The following DPP8 variants were observed in gnomAD, a reference collection of about 807,000 sequenced individuals.
DPP8 encodes the protein DPP VIII.
In DPP8, 31 loss-of-function variants were observed where a neutral mutation model predicts 107.5. The ratio of observed to expected loss-of-function variants is 0.29; its 90% CI spans 0.22 to 0.39. The LOEUF is 0.39. DPP8 is among the 10% of genes least tolerant of loss of function. The pLI is 1.00. For missense variants in DPP8, 842 were observed against 1,076.1 expected (o/e 0.78, Z 3.04); for synonymous variants, 381 against 356.6 (o/e 1.07, Z -0.77).
chr15:65,467,113 C>A lies in DPP8; in HGVS notation c.1647G>T (p.Arg549Ser), dbSNP rs764054639. The A allele has an allele frequency of 6.2e-7, 1 of 1,614,154 alleles. No individual in the cohort carries two copies. The highest frequency in any genetic ancestry group is 8.5e-7 in the Non-Finnish European group (1 of 1,180,022). Residue 549 changes from arginine to serine, a missense_variant, in exon 13 of 20, where the codon AGG (arginine) becomes AGT (serine). Arg to Ser is a moderately radical substitution (Grantham distance 110). Transcript: ENST00000300141. ...AATGTGAGTAGCCACGGTCAGTCAGCCTTGTCACCTCTCCAGGATTTACGT... is the reference window on the plus strand; with the variant it reads ...AATGTGAGTAGCCACGGTCAGTCAGACTTGTCACCTCTCCAGGATTTACGT... The part of the protein sequence containing the change: ...VSYVNPGEVT[R>S]LTDRGYSHSC...
intron 7 of DPP8, 114 bp downstream of exon 7, chr15:65,487,576 G>A (rs984583269): frequency 1.4e-5 from 14 of 980,704 alleles, no homozygotes; most frequent in East Asian, 8.2e-5. Flanking sequence ...ACAACCCGTC[G>A]TAAATAAGGC....
chr15:65,458,643 T>C (rs1279764971), intron 15 of DPP8: 1 of 152,168 alleles, frequency 6.6e-6, no homozygotes, highest in East Asian at 1.9e-4. Flanking sequence ...GTGGGAAATA[T>C]CTGCTGCTTT....
Position 65,446,862 on chromosome 15 carries a change from G to A in DPP8, c.*22C>T. ...TTGGTTAAATAGCCAGTGTATACCA[G>A]AGAGTTCTACACAGGTCAAAATTAT... On this transcript the variant is annotated 3_prime_UTR_variant, in exon 20 of 20. Transcript: ENST00000300141. 1.3e-6 allele frequency: 2 copies of A among 1,594,450 alleles called. No homozygotes were observed. Among genetic ancestry groups the A allele is most frequent in the Non-Finnish European group, 8.5e-7 (1 of 1,172,408 alleles).
At position 65,502,403 on chromosome 15, in the gene DPP8, C is replaced by T. The variant is rs548894588; in HGVS notation, c.373-1624G>A. On this transcript the variant is annotated intron_variant, in intron 3 of 19. Transcript: ENST00000300141. ...CTCTCAAAGAAAGTTTGTGGCTGGG[C>T]GTGGTGGCTCATGCCTGTAATCCCA... Among the ~76,000 whole-genome samples, 6 of 151,490 alleles carry T rather than the reference C, an allele frequency of 4.0e-5. No homozygotes were observed. In the East Asian group the frequency reaches 7.8e-4, roughly 20 times the overall value.
At chr15:65,478,670 TTAATACTTTA>T (rs1200254689) in intron 11 of DPP8, among the ~76,000 whole-genome samples, 200 bp downstream of exon 11, 1 of 152,238 alleles carries the variant, frequency 6.6e-6, no homozygotes, top group African/African-American at 2.4e-5. Flanking sequence ...TTATTCACTA[TTAATACTTTA>T]TAATACGTGT....
At chr15:65,468,697 T>C (rs755298484) in intron 12 of DPP8, among the ~76,000 whole-genome samples, 28 of 152,088 alleles carry the variant, frequency 1.8e-4, no homozygotes, top group Non-Finnish European at 3.2e-4. Flanking sequence ...ATACAAATGA[T>C]AGGAAACAAA....
chr15:65,492,565 A>G (rs1170690585), intron 5 of DPP8, among the ~76,000 whole-genome samples: 1 of 152,130 alleles, frequency 6.6e-6, no homozygotes, highest in Non-Finnish European at 1.5e-5. Flanking sequence ...TAGCCAGTCT[A>G]GTAGGCATTA....
At position 65,451,946 on chromosome 15, in the gene DPP8, AAG is replaced by A; in HGVS notation, c.2414+12_2414+13del. ...TCTCAATTTAAAAAAAAAAAAAAAA[AAG>A]CTTGCACTTACTCAGAGGGGAACTT... On this transcript the variant is annotated intron_variant, in intron 18 of 19. Coordinates refer to ENST00000300141, the MANE Select transcript of DPP8 (RefSeq NM_130434.5). 6.4e-7 allele frequency: 1 copy of A among 1,565,266 alleles called. No individual in the cohort carries two copies. The highest frequency in any genetic ancestry group is 8.6e-7 in the Non-Finnish European group (1 of 1,165,746).
chr15:65,472,896 G>A (rs2066027069), intron 12 of DPP8, among the ~76,000 whole-genome samples: 1 of 152,066 alleles, frequency 6.6e-6, no homozygotes, highest in African/African-American at 2.4e-5. Context: ...AAATTAGCTG[G>A]GTGTGGTGGT....
At chr15:65,508,909 T>C (rs2070409129) in intron 2 of DPP8, among the ~76,000 whole-genome samples, 2 of 151,650 alleles carry the variant, frequency 1.3e-5, no homozygotes, top group Non-Finnish European at 1.5e-5. Flanking sequence ...AAGGAAAACA[T>C]AAATCACACA....
intron 17 of DPP8, among the ~76,000 whole-genome samples, chr15:65,452,877 C>T (rs1037038663): frequency 6.6e-6 from 1 of 152,010 alleles, no homozygotes; most frequent in Admixed American, 6.6e-5. Context: ...GAGGCTGAAG[C>T]ACGAGAATCG....
intron 12 of DPP8, among the ~76,000 whole-genome samples, chr15:65,467,974 T>C (rs1024803083): frequency 3.9e-5 from 6 of 152,328 alleles, no homozygotes; most frequent in South Asian, 2.1e-4. Context: ...AAACGTGTTT[T>C]ATCTATTGGG....
At chr15:65,477,240 C>T (rs1369191292) in intron 11 of DPP8, among the ~76,000 whole-genome samples, 3 of 151,718 alleles carry the variant, frequency 2.0e-5, no homozygotes, top group Admixed American at 1.3e-4. Flanking sequence ...GGCCAAAATA[C>T]AAAAATTAGC....
chr15:65,480,286 T>G lies in DPP8; in HGVS notation c.1232A>C (p.Glu411Ala). 6.2e-7 allele frequency: 1 copy of G among 1,614,012 alleles called. No individual in the cohort carries two copies. The highest frequency in any genetic ancestry group is 8.5e-7 in the Non-Finnish European group (1 of 1,179,972). The change falls in exon 10 of 20, where the codon GAG becomes GCG. Residue 411 changes from glutamate (E) to alanine (A), a missense_variant. Around this residue, in one of 2 missense-constraint regions of DPP8, gnomAD observed 663 missense variants for 758.0 expected, o/e 0.87. Coordinates refer to ENST00000300141, the MANE Select transcript of DPP8 (RefSeq NM_130434.5). ...DDVMERQRLIESVPDSVTPLI... is the reference protein window; with the variant it reads ...DDVMERQRLIASVPDSVTPLI... ...TGGCGTCACAGAATCAGGCACTGACTCAATGAGTCTCTGCCTTTCCATAAC... is the reference window on the plus strand; with the variant it reads ...TGGCGTCACAGAATCAGGCACTGACGCAATGAGTCTCTGCCTTTCCATAAC...
chr15:65,499,375 G>T (rs149739544), intron 4 of DPP8, among the ~76,000 whole-genome samples: 220 of 151,970 alleles, frequency 1.4e-3, no homozygotes, highest in Middle Eastern at 3.4e-3. Context: ...TAGGACTACA[G>T]GTGCGCCTGC....
chr15:65,448,077 G>A (rs766416510), intron 19 of DPP8, among the ~76,000 whole-genome samples: 16 of 152,104 alleles, frequency 1.1e-4, no homozygotes, highest in Non-Finnish European at 1.8e-4. Context: ...TATCACTTCA[G>A]ATTCCACACT....
rs2070131582 is a variant in DPP8, at chr15:65,507,130, C to T, written c.372+113G>A. 4 of 542,492 alleles carry T rather than the reference C, an allele frequency of 7.4e-6. No individual in the cohort carries two copies. In the Admixed American group the frequency reaches 1.4e-4, roughly 19 times the overall value. 33.6% of individuals were successfully genotyped at this position (542,492 alleles called of 1,614,324 possible). A position where few individuals can be genotyped will look rare whatever the true frequency, so the allele number is the denominator to read the frequency against. On this transcript the variant is annotated intron_variant, in intron 3 of 19. Coordinates refer to ENST00000300141, the MANE Select transcript of DPP8 (RefSeq NM_130434.5). ...GGTCATACATGCAAAAACATAAAAA[C>T]ATCTTAATTTTTTTTATTTACATCT...
intron 4 of DPP8, among the ~76,000 whole-genome samples, chr15:65,500,155 A>G (rs1297444400): frequency 6.6e-6 from 1 of 152,050 alleles, no homozygotes; most frequent in African/African-American, 2.4e-5. Context: ...GCGGTGGCTC[A>G]TGTCTGTAAT....
chr15:65,449,011 C>T (rs1039253638), intron 19 of DPP8, among the ~76,000 whole-genome samples: 1 of 140,684 alleles, frequency 7.1e-6, no homozygotes, highest in Non-Finnish European at 1.5e-5. Flanking sequence ...AGTTGGAGAC[C>T]AGCCTAGCCA....
Sources: allele counts gnomAD v4.1 joint callset (sites outside exome capture counted in the v4.1 genomes callset), GRCh38; gene constraint gnomAD v4.1.1; regional missense constraint gnomAD v4.1.1; transcripts MANE v1.5; gene names NCBI Gene and HGNC (gene_info 2026-07-23, HGNC 2026-07-21).